The following SRRM4 variants were observed in gnomAD, a reference collection of about 807,000 sequenced individuals.
The protein encoded by SRRM4 is serine/arginine repetitive matrix 4.
SRRM4 carries 33 observed loss-of-function variants against 68.9 expected under a neutral mutation model. The observed-to-expected ratio is 0.48, with a 90% CI of 0.36 to 0.64. The LOEUF (loss-of-function observed/expected upper bound fraction) is 0.64. Among genes scored for constraint, SRRM4 ranks in the 30% least tolerant of loss-of-function variants. SRRM4 has a pLI of 0.00. For missense variants in SRRM4, 817 were observed against 827.1 expected (o/e 0.99, Z 0.15); for synonymous variants, 318 against 318.8 (o/e 1.00, Z 0.03).
chr12:119,012,854 C>T (rs1004635033), intron 1 of SRRM4, among the ~76,000 whole-genome samples: 1 of 152,118 alleles, frequency 6.6e-6, no homozygotes, highest in South Asian at 2.1e-4. Flanking sequence ...TTGATATTTA[C>T]TACATCTTCA....
intron 2 of SRRM4, among the ~76,000 whole-genome samples, chr12:119,112,509 T>C (rs1029337966): frequency 3.9e-5 from 6 of 152,242 alleles, no homozygotes; most frequent in Non-Finnish European, 7.3e-5. Context: ...CATATGTTCA[T>C]TGCAGCACTA....
intron 1 of SRRM4, among the ~76,000 whole-genome samples, chr12:118,983,449 C>T (rs1318989257): frequency 2.6e-5 from 4 of 152,198 alleles, no homozygotes; most frequent in African/African-American, 9.7e-5. Flanking sequence ...AAGGCTGATG[C>T]TTCTCTGCTC....
intron 1 of SRRM4, among the ~76,000 whole-genome samples, chr12:119,090,700 C>A (rs1954009412): frequency 6.6e-6 from 1 of 152,142 alleles, no homozygotes; most frequent in African/African-American, 2.4e-5. Flanking sequence ...TTTCTTAGCC[C>A]CTAACTCACC....
chr12:119,071,248 T>C (rs911031888), intron 1 of SRRM4, among the ~76,000 whole-genome samples: 1 of 152,168 alleles, frequency 6.6e-6, no homozygotes, highest in African/African-American at 2.4e-5. Context: ...AATCTTAGTA[T>C]GAGAACAATA....
intron 1 of SRRM4, among the ~76,000 whole-genome samples, chr12:119,043,342 G>C (rs1183087841): frequency 2.0e-5 from 3 of 152,006 alleles, no homozygotes; most frequent in Non-Finnish European, 4.4e-5. Flanking sequence ...TGAACAATTA[G>C]AACACCTGGA....
intron 1 of SRRM4, among the ~76,000 whole-genome samples, chr12:119,005,597 A>C (rs1355824717): frequency 6.6e-6 from 1 of 152,228 alleles, no homozygotes; most frequent in East Asian, 1.9e-4. Context: ...GTCCTTCAGC[A>C]GTCACGTGGG....
intron 2 of SRRM4, 150 bp from the exon 3 acceptor site, chr12:119,114,127 TG>T: frequency 1.7e-6 from 1 of 581,206 alleles, no homozygotes; most frequent in South Asian, 2.3e-5. Context: ...TAGTCTGAAG[TG>T]TGACCCAATC....
chr12:119,090,360 A>T (rs988141065), intron 1 of SRRM4, among the ~76,000 whole-genome samples: 2 of 152,186 alleles, frequency 1.3e-5, no homozygotes, highest in Non-Finnish European at 2.9e-5. Context: ...GGGAGTGAGG[A>T]AGCAGGATAG....
chr12:119,107,143 C>T (rs975725333), intron 2 of SRRM4, among the ~76,000 whole-genome samples: 10 of 152,212 alleles, frequency 6.6e-5, no homozygotes, highest in Non-Finnish European at 1.3e-4. Context: ...ACCAGCCTTG[C>T]ATCCCAGGGA....
chr12:119,017,383 G>A (rs1454255424), intron 1 of SRRM4, among the ~76,000 whole-genome samples: 1 of 152,220 alleles, frequency 6.6e-6, no homozygotes, highest in Non-Finnish European at 1.5e-5. Context: ...CTTGGACTAG[G>A]CATTTCCTTC....
intron 1 of SRRM4, among the ~76,000 whole-genome samples, chr12:119,077,829 C>T (rs1953925506): frequency 1.3e-5 from 2 of 152,108 alleles, no homozygotes; most frequent in South Asian, 2.1e-4. Flanking sequence ...CCAACAATTA[C>T]CTTCCATAAA....
chr12:119,041,513 G>A (rs79063527), intron 1 of SRRM4, among the ~76,000 whole-genome samples: 1 of 152,060 alleles, frequency 6.6e-6, no homozygotes, highest in African/African-American at 2.4e-5. Context: ...AGAATAACAC[G>A]ATGAACCCTA....
chr12:119,152,720 G>A (rs1263970296), intron 10 of SRRM4, among the ~76,000 whole-genome samples: 2 of 152,150 alleles, frequency 1.3e-5, no homozygotes, highest in Non-Finnish European at 2.9e-5. Context: ...GCATAAGTTG[G>A]CAAAAGCACA....
chr12:119,150,672 G>A (rs1213138125), intron 9 of SRRM4, among the ~76,000 whole-genome samples: 1 of 152,148 alleles, frequency 6.6e-6, no homozygotes, highest in Non-Finnish European at 1.5e-5. Context: ...CAGAAGGACA[G>A]AAAAAGACTA....
rs1954496432 is a variant in SRRM4 at position 119,159,615 on chromosome 12, G to A, written c.*2817G>A. On this transcript the variant is annotated 3_prime_UTR_variant, in exon 13 of 13. Transcript: ENST00000267260. ...GCAGGAATTGAGCTGACTGAGGGAAGATGCACCTTGATCTCACCCTCACTC... is the reference window on the plus strand; with the variant it reads ...GCAGGAATTGAGCTGACTGAGGGAAAATGCACCTTGATCTCACCCTCACTC... The A allele has an allele frequency of 6.6e-6, 1 of 152,122 alleles. No homozygotes were observed. Among genetic ancestry groups the A allele is most frequent in the African/African-American group, 2.4e-5 (1 of 41,402 alleles). 9.4% of individuals were successfully genotyped at this position (152,122 alleles called of 1,614,324 possible).
At chr12:119,092,173 TG>T (rs149917610) in intron 1 of SRRM4, among the ~76,000 whole-genome samples, 1,900 of 152,322 alleles carry the variant, frequency 0.012, 20 homozygotes, top group Middle Eastern at 0.041. Flanking sequence ...AGAATGCCAC[TG>T]GAGCTTACCT....
In SRRM4 at chr12:119,158,964, GTT is replaced by G. The variant is rs1174251452; in HGVS notation, c.*2169_*2170del. 2 of 129,766 alleles carry G rather than the reference GTT, an allele frequency of 1.5e-5. No individual in the cohort carries two copies. The highest frequency in any genetic ancestry group is 2.6e-4 in the South Asian group (1 of 3,784). The allele number at this position is 129,766 out of a possible 1,614,324, so 8.0% of individuals were successfully genotyped here. ...TATTGAATTATTTATTTATACAGAG[GTT>G]TTGTGTGTGTGTGTGTGTGTGTGTG... On this transcript the variant is annotated 3_prime_UTR_variant, in exon 13 of 13. Coordinates refer to ENST00000267260, the MANE Select transcript of SRRM4 (RefSeq NM_194286.4).
chr12:118,989,044 C>T (rs1953299945), intron 1 of SRRM4, among the ~76,000 whole-genome samples: 2 of 152,054 alleles, frequency 1.3e-5, no homozygotes. Context: ...GGGAGAGTGA[C>T]AGAAGATGAT....
At chr12:119,058,810 CATT>C (rs1953792833) in intron 1 of SRRM4, among the ~76,000 whole-genome samples, 1 of 152,154 alleles carries the variant, frequency 6.6e-6, no homozygotes, top group Admixed American at 6.5e-5. Context: ...CTTTCAGAGC[CATT>C]GTTCTCTTAA....
Sources: allele counts gnomAD v4.1 joint callset (sites outside exome capture counted in the v4.1 genomes callset), GRCh38; gene constraint gnomAD v4.1.1; transcripts MANE v1.5; gene names NCBI Gene and HGNC (gene_info 2026-07-23, HGNC 2026-07-21).